Variants in CLDN16 observed in about 807,000 individuals in gnomAD.
CLDN16 encodes the protein claudin 16, also known as claudin-16.
A neutral mutation model predicts 24.6 loss-of-function variants in CLDN16; 13 were observed. The ratio of observed to expected loss-of-function variants is 0.53; its 90% CI spans 0.34 to 0.84. CLDN16 has a LOEUF of 0.84. Ranked by LOEUF, CLDN16 falls within the 40% of genes least tolerant of loss-of-function variation. The pLI, the probability that CLDN16 is intolerant of heterozygous loss-of-function variation, is 0.01. For missense variants in CLDN16, 298 were observed against 292.7 expected, an observed-to-expected ratio of 1.02 and a Z score of -0.13; for synonymous variants, 116 against 106.7, an observed-to-expected ratio of 1.09 and a Z score of -0.54.
chr3:190,371,211 A>G lies in CLDN16; in HGVS notation n.230+210A>G, dbSNP rs186614461. On this transcript the variant is annotated intron_variant and non_coding_transcript_variant, in intron 2 of 4. Coordinates refer to the CLDN16 transcript ENST00000468220. ...ATCTTGTAATCATGTGAGTTAATACATATATATAGTATAATATATACATAT... is the reference window on the plus strand; with the variant it reads ...ATCTTGTAATCATGTGAGTTAATACGTATATATAGTATAATATATACATAT... 1.3e-3 allele frequency among the ~76,000 whole-genome samples: 203 copies of G among 150,748 alleles called. 1 individual carries two copies. The highest frequency in any genetic ancestry group is 4.5e-3 in the African/African-American group (184 of 41,232).
chr3:190,374,478 C>G (rs1718207789), intron 2 of CLDN16: 1 of 151,888 alleles, frequency 6.6e-6, no homozygotes, highest in Non-Finnish European at 1.5e-5. Context: ...GTTTGCTTCC[C>G]TTTCCTGCCC....
chr3:190,359,731 G>A (rs770919529), intron 1 of CLDN16, among the ~76,000 whole-genome samples: 1 of 151,960 alleles, frequency 6.6e-6, no homozygotes, highest in East Asian at 1.9e-4. Flanking sequence ...GTGCTTCAGC[G>A]AGCCAGGTCT....
chr3:190,363,448 T>A (rs1717943921), intron 1 of CLDN16, among the ~76,000 whole-genome samples: 1 of 150,544 alleles, frequency 6.6e-6, no homozygotes, highest in South Asian at 2.1e-4. Flanking sequence ...ATATGTAGGT[T>A]CACTTCTACA....
chr3:190,346,592 T>C (rs1717554703), intron 1 of CLDN16, among the ~76,000 whole-genome samples: 1 of 152,190 alleles, frequency 6.6e-6, no homozygotes, highest in Admixed American at 6.5e-5. Context: ...TGGCAACAAA[T>C]TACCACAAAC....
chr3:190,407,851 G>C (rs886538073), intron 3 of CLDN16, among the ~76,000 whole-genome samples: 18 of 152,116 alleles, frequency 1.2e-4, no homozygotes, highest in Non-Finnish European at 1.6e-4. Context: ...GCTTCAAAAG[G>C]GGGTACAGGG....
intron 1 of CLDN16, among the ~76,000 whole-genome samples, chr3:190,335,708 C>CAAAAAA (rs34082811): frequency 3.7e-4 from 22 of 60,056 alleles, no homozygotes; most frequent in East Asian, 5.4e-4. Context: ...AAGACTCCAT[C>CAAAAAA]AAAAAAAAAA....
chr3:190,295,513 T>A, the CLDN16 span, among the ~76,000 whole-genome samples: 1 of 152,292 alleles, frequency 6.6e-6, no homozygotes, highest in South Asian at 2.1e-4. Context: ...GGAAACTTAA[T>A]ACCAACCTAC....
At chr3:190,326,726 C>T (rs1003574603) in intron 1 of CLDN16, among the ~76,000 whole-genome samples, 14 of 152,080 alleles carry the variant, frequency 9.2e-5, no homozygotes, top group African/African-American at 3.1e-4. Flanking sequence ...CATAGATTGC[C>T]CCCTTAACTC....
Position 190,404,748 on chromosome 3 carries a change from C to A in CLDN16, c.218-14C>A. The A allele has an allele frequency of 6.2e-7, 1 of 1,613,740 alleles. No homozygotes were observed. The highest frequency in any genetic ancestry group is 1.1e-5 in the South Asian group (1 of 91,074). ...CTTCTGACTCTGCTTTAACCATATGCCCTGGTCTTCCAGTGAAGCTGGTGG... is the reference window on the plus strand; with the variant it reads ...CTTCTGACTCTGCTTTAACCATATGACCTGGTCTTCCAGTGAAGCTGGTGG... On this transcript the variant is annotated splice_polypyrimidine_tract_variant and intron_variant, in intron 2 of 4. Coordinates refer to ENST00000264734, the MANE Select transcript of CLDN16 (RefSeq NM_006580.4).
intron 1 of CLDN16, among the ~76,000 whole-genome samples, chr3:190,342,967 T>C (rs1195109623): frequency 6.6e-6 from 1 of 152,088 alleles, no homozygotes; most frequent in African/African-American, 2.4e-5. Context: ...AGTATGACTA[T>C]ATCAAATCAA....
At chr3:190,395,858 A>G (rs1718806610) in intron 1 of CLDN16, among the ~76,000 whole-genome samples, 1 of 152,114 alleles carries the variant, frequency 6.6e-6, no homozygotes, top group Non-Finnish European at 1.5e-5. Flanking sequence ...TCTGCTGTGT[A>G]TATTTACTCT....
the CLDN16 span, among the ~76,000 whole-genome samples, chr3:190,302,265 A>C: frequency 6.6e-6 from 1 of 152,176 alleles, no homozygotes; most frequent in Non-Finnish European, 1.5e-5. Flanking sequence ...CAACCTTCTC[A>C]ATAGTTCTTG....
intron 2 of CLDN16, among the ~76,000 whole-genome samples, chr3:190,371,939 C>A (rs1169197777): frequency 1.3e-5 from 2 of 151,914 alleles, no homozygotes; most frequent in African/African-American, 4.8e-5. Flanking sequence ...CTGTTGACTG[C>A]CCTTGGCCAC....
chr3:190,299,130 A>G, the CLDN16 span, among the ~76,000 whole-genome samples: 11 of 152,190 alleles, frequency 7.2e-5, no homozygotes, highest in Non-Finnish European at 2.9e-5. Flanking sequence ...TCTTGTGGAC[A>G]TGAGTCTGGT....
At chr3:190,405,213 TGAGGCCAG>T (rs1040420258) in intron 3 of CLDN16, among the ~76,000 whole-genome samples, 2 of 152,142 alleles carry the variant, frequency 1.3e-5, no homozygotes, top group African/African-American at 4.8e-5. Flanking sequence ...GCAGATCACT[TGAGGCCAG>T]GAGTTTGAAA....
the CLDN16 span, among the ~76,000 whole-genome samples, chr3:190,315,065 T>C: frequency 6.6e-6 from 1 of 152,330 alleles, no homozygotes; most frequent in East Asian, 1.9e-4. Context: ...TTAAGGTATG[T>C]CCTCTTTCTG....
Position 190,348,661 on chromosome 3 carries a change from G to T in CLDN16, n.122-22232G>T, listed in dbSNP as rs1717606505. Among the ~76,000 whole-genome samples, 4 of 152,270 alleles carry T rather than the reference G, an allele frequency of 2.6e-5. No homozygotes were observed. In the South Asian group the frequency reaches 6.2e-4, roughly 24 times the overall value. ...GAAATTGTGTCAATAAATATTTAAA[G>T]AATTCATTTTTTAAGTTTTAAGGTC... is the stretch of plus-strand genomic sequence containing the variant. On this transcript the variant is annotated intron_variant and non_coding_transcript_variant, in intron 1 of 4. Transcript: ENST00000468220.
Position 190,409,951 on chromosome 3 carries a change from C to T in CLDN16, c.623C>T (p.Ser208Leu), listed in dbSNP as rs1338030534. ...NYPYSLRKAY[S>L]AAGVSMAKSY... The stretch of plus-strand genomic sequence containing the variant: ...CCTTATTCCTTGAGGAAAGCCTATT[C>T]AGCCGCGGGTGTTTCCATGGCCAAG... The change falls in exon 5 of 5, where the codon TCA becomes TTA. Residue 208 changes from serine to leucine, a missense_variant. Transcript: ENST00000264734. 1.2e-5 allele frequency: 19 copies of T among 1,613,824 alleles called. No homozygotes were observed. The South Asian group carries it at 2.1e-4, about 18-fold the overall frequency.
At chr3:190,388,046 T>A, upstream of CLDN16, 1 of 1,412,632 alleles carries the variant, frequency 7.1e-7, no homozygotes, top group Non-Finnish European at 9.9e-7. Flanking sequence ...ACAGAACTCC[T>A]CTCTCCCCCA....
Sources: allele counts gnomAD v4.1 joint callset (sites outside exome capture counted in the v4.1 genomes callset), GRCh38; gene constraint gnomAD v4.1.1; transcripts MANE v1.5; gene names NCBI Gene and HGNC (gene_info 2026-07-23, HGNC 2026-07-21).